KIAA1958: variants seen among roughly 807,000 people sequenced by gnomAD.
KIAA1958 encodes uncharacterized protein KIAA1958.
A neutral mutation model predicts 47.2 loss-of-function variants in KIAA1958; 14 were observed. The ratio of observed to expected loss-of-function variants is 0.30; its 90% CI spans 0.20 to 0.46. KIAA1958 has a LOEUF of 0.46. Ranked by LOEUF, KIAA1958 falls within the 20% of genes least tolerant of loss-of-function variation. The probability of loss-of-function intolerance (pLI) is 1.00; values close to 1 mark genes in which losing one functional copy is unlikely to be tolerated. For synonymous variants in KIAA1958, 354 were observed against 353.3 expected, an observed-to-expected ratio of 1.00 and a Z score of -0.02; for missense variants, 803 against 909.2, an observed-to-expected ratio of 0.88 and a Z score of 1.50.
At chr9:112,658,135 G>A (rs1296057076) in intron 3 of KIAA1958, among the ~76,000 whole-genome samples, 1 of 152,178 alleles carries the variant, frequency 6.6e-6, no homozygotes, top group Non-Finnish European at 1.5e-5. Context: ...GGGATTACAG[G>A]CGTGAGCCAC....
At chr9:112,588,545 T>C (rs1835868560) in intron 2 of KIAA1958, among the ~76,000 whole-genome samples, 2 of 152,222 alleles carry the variant, frequency 1.3e-5, no homozygotes, top group Non-Finnish European at 2.9e-5. Flanking sequence ...TCCCCAGGAA[T>C]TTAGAGACAA....
intron 2 of KIAA1958, among the ~76,000 whole-genome samples, chr9:112,636,900 T>C (rs1202842575): frequency 6.6e-6 from 1 of 152,226 alleles, no homozygotes; most frequent in Non-Finnish European, 1.5e-5. Flanking sequence ...TCTTACACTT[T>C]TTTGGTCCCA....
intron 1 of KIAA1958, among the ~76,000 whole-genome samples, chr9:112,534,930 CTTTTA>C (rs1238435154): frequency 6.6e-6 from 1 of 151,992 alleles, no homozygotes; most frequent in Non-Finnish European, 1.5e-5. Flanking sequence ...TCCCAGGGTT[CTTTTA>C]TTTTGTTTAT....
chr9:112,573,546 C>G (rs1835576347), intron 1 of KIAA1958, among the ~76,000 whole-genome samples: 1 of 152,184 alleles, frequency 6.6e-6, no homozygotes, highest in East Asian at 1.9e-4. Flanking sequence ...CTGGCTTGCT[C>G]TCTCTGACCT....
At chr9:112,556,184 T>TGCATGACATCTTG (rs1181220364) in intron 1 of KIAA1958, among the ~76,000 whole-genome samples, 3 of 152,228 alleles carry the variant, frequency 2.0e-5, no homozygotes, top group Non-Finnish European at 4.4e-5. Context: ...TTTAAAATAC[T>TGCATGACATCTTG]GCATGACATC....
chr9:112,587,037 T>C (rs1280779196), intron 2 of KIAA1958, among the ~76,000 whole-genome samples: 1 of 152,222 alleles, frequency 6.6e-6, no homozygotes, highest in Non-Finnish European at 1.5e-5. Context: ...AGAATGCAGG[T>C]GATCCGCTTC....
At chr9:112,554,039 A>G (rs999371451) in intron 1 of KIAA1958, among the ~76,000 whole-genome samples, 1 of 152,198 alleles carries the variant, frequency 6.6e-6, no homozygotes, top group Non-Finnish European at 1.5e-5. Context: ...CATGTACTGT[A>G]AGTAGGATCA....
intron 3 of KIAA1958, among the ~76,000 whole-genome samples, chr9:112,655,734 C>G (rs1395094114): frequency 6.6e-6 from 1 of 152,170 alleles, no homozygotes; most frequent in Non-Finnish European, 1.5e-5. Flanking sequence ...TTGCTGGGCA[C>G]AAGGTCTCTG....
chr9:112,520,950 G>A (rs1170724081), intron 1 of KIAA1958, among the ~76,000 whole-genome samples: 3 of 152,028 alleles, frequency 2.0e-5, no homozygotes. Flanking sequence ...TCTTCATGAT[G>A]TAATGTGTGC....
chr9:112,632,414 G>A (rs549009452), intron 2 of KIAA1958, among the ~76,000 whole-genome samples: 26 of 151,684 alleles, frequency 1.7e-4, no homozygotes, highest in African/African-American at 5.8e-4. Context: ...ATTTATCTTT[G>A]CACACTTGTG....
At chr9:112,648,323 G>A (rs1837009936) in intron 3 of KIAA1958, among the ~76,000 whole-genome samples, 1 of 152,130 alleles carries the variant, frequency 6.6e-6, no homozygotes, top group South Asian at 2.1e-4. Flanking sequence ...AAATGGAGCT[G>A]AGAGTCCAGA....
intron 1 of KIAA1958, among the ~76,000 whole-genome samples, chr9:112,520,010 G>C (rs1279112649): frequency 6.6e-6 from 1 of 152,166 alleles, no homozygotes; most frequent in East Asian, 1.9e-4. Flanking sequence ...TTGGTGATAT[G>C]TCATCTTAAT....
intron 2 of KIAA1958, among the ~76,000 whole-genome samples, chr9:112,581,028 C>T (rs988665974): frequency 3.3e-5 from 5 of 152,096 alleles, no homozygotes; most frequent in Admixed American, 6.6e-5. Flanking sequence ...CCTGGCCACC[C>T]GGAGCTTAGA....
rs1478645227 is a variant in KIAA1958, at chr9:112,543,589, T to G, written c.-24-30468T>G. Among the ~76,000 whole-genome samples the G allele has an allele frequency of 2.4e-3, 151 of 63,870 alleles. 1 individual carries two copies. The South Asian group carries it at 0.033, about 14-fold the overall frequency. 41.9% of individuals were successfully genotyped at this position (63,870 alleles called of 152,430 possible). A position where few individuals can be genotyped will look rare whatever the true frequency, so the allele number is the denominator to read the frequency against. The stretch of plus-strand genomic sequence containing the variant: ...CTTCTTTTTTTTTTTTTTTTTTTTT[T>G]GAGACCCAGTTTTGCTCTTGTTGCC... On this transcript the variant is annotated intron_variant, in intron 1 of 3. Coordinates refer to ENST00000337530, the MANE Select transcript of KIAA1958 (RefSeq NM_133465.4).
At chr9:112,582,748 A>AC (rs1351116396) in intron 2 of KIAA1958, among the ~76,000 whole-genome samples, 2 of 152,142 alleles carry the variant, frequency 1.3e-5, no homozygotes, top group Admixed American at 1.3e-4. Context: ...AGACAAAAAA[A>AC]CCGAATCCAT....
At chr9:112,583,369 G>A (rs1227505471) in intron 2 of KIAA1958, among the ~76,000 whole-genome samples, 1 of 152,184 alleles carries the variant, frequency 6.6e-6, no homozygotes, top group African/African-American at 2.4e-5. Context: ...AGAAAATGGG[G>A]ACATGCTGGT....
intron 2 of KIAA1958, chr9:112,617,988 CAAGA>C: frequency 1.3e-6 from 2 of 1,550,520 alleles, no homozygotes; most frequent in Non-Finnish European, 1.7e-6. Flanking sequence ...CCTTCTGAAA[CAAGA>C]GAGATTTATG....
At chr9:112,655,334 G>A (rs1355685350) in intron 3 of KIAA1958, among the ~76,000 whole-genome samples, 1 of 152,066 alleles carries the variant, frequency 6.6e-6, no homozygotes, top group South Asian at 2.1e-4. Flanking sequence ...GGATAGGTTC[G>A]ATGCCTCTCT....
rs375882540 is a variant in KIAA1958 at position 112,660,060 on chromosome 9, C to T, written c.2142C>T (p.Cys714=). 2.5e-6 allele frequency: 4 copies of T among 1,612,476 alleles called. No individual in the cohort carries two copies. The African/African-American group carries it at 5.3e-5, about 22-fold the overall frequency. The change falls in exon 4 of 4, where the codon TGC becomes TGT. Residue 714 remains cysteine, a synonymous_variant. Coordinates refer to ENST00000337530, the MANE Select transcript of KIAA1958 (RefSeq NM_133465.4). ...QVSRRLGSHS[C]CQ ...CCCGGAGGCTTGGCTCCCACAGCTG[C>T]TGCCAGTGAGCCCCCACTGGGGCCC...
Sources: allele counts gnomAD v4.1 joint callset (sites outside exome capture counted in the v4.1 genomes callset), GRCh38; gene constraint gnomAD v4.1.1; transcripts MANE v1.5; gene names NCBI Gene and HGNC (gene_info 2026-07-23, HGNC 2026-07-21).